OPA3: variants seen among roughly 807,000 people sequenced by gnomAD.
The protein encoded by OPA3 is optic atrophy 3 protein.
Under a neutral mutation model 4.0 loss-of-function variants are expected in OPA3, and 6 were observed. The observed-to-expected ratio is 1.51, with a 90% confidence interval of 0.83 to 2.99. The LOEUF is 2.99. Ranked by LOEUF, OPA3 falls within the 30% of genes most tolerant of loss-of-function variation. The pLI is 0.00. For missense variants in OPA3, 235 were observed against 256.2 expected (o/e 0.92, Z 0.56); for synonymous variants, 105 against 117.1 (o/e 0.90, Z 0.67).
chr19:45,577,363 G>A (rs918414438), intron 1 of OPA3, among the ~76,000 whole-genome samples: 8 of 152,206 alleles, frequency 5.3e-5, no homozygotes, highest in African/African-American at 1.7e-4. Flanking sequence ...AGAAAGCAGG[G>A]CCGCCAGTGC....
intron 1 of OPA3, among the ~76,000 whole-genome samples, chr19:45,560,038 T>C (rs1371063054): frequency 1.3e-5 from 2 of 152,152 alleles, no homozygotes; most frequent in Admixed American, 6.5e-5. Context: ...GCTCAGTTTG[T>C]AAATGTTAAC....
chr19:45,579,142 T>C (rs558060147), intron 1 of OPA3, among the ~76,000 whole-genome samples: 2 of 152,294 alleles, frequency 1.3e-5, no homozygotes, highest in South Asian at 4.1e-4. Context: ...TATCTAGGCT[T>C]ATAGCCTTCC....
At chr19:45,536,211 C>T (rs1223778847) in intron 1 of OPA3, among the ~76,000 whole-genome samples, 1 of 131,896 alleles carries the variant, frequency 7.6e-6, no homozygotes, top group African/African-American at 2.9e-5. Flanking sequence ...CTGGATGACA[C>T]AGCAAGACTC....
downstream of OPA3, among the ~76,000 whole-genome samples, chr19:45,543,822 A>G (rs895965267): frequency 6.6e-6 from 1 of 152,118 alleles, no homozygotes; most frequent in African/African-American, 2.4e-5. Flanking sequence ...CATTACACAT[A>G]TGGGGTCTCT....
At chr19:45,573,688 T>G (rs1969722652) in intron 1 of OPA3, among the ~76,000 whole-genome samples, 1 of 151,944 alleles carries the variant, frequency 6.6e-6, no homozygotes, top group Non-Finnish European at 1.5e-5. Flanking sequence ...CAGTAAACAG[T>G]AAACACTGTT....
Position 45,550,679 on chromosome 19 carries a change from C to A in OPA3, c.*2835G>T. On this transcript the variant is annotated 3_prime_UTR_variant, in exon 2 of 2. Transcript: ENST00000263275. ...ATAGGGTGACTCTTGGGCCTCTCCC[C>A]ATCAGAACCCTCCCAGTTTCCCTCC... The A allele has an allele frequency of 1.0e-6, 1 of 985,956 alleles. No homozygotes were observed. 61.1% of individuals were successfully genotyped at this position (985,956 alleles called of 1,614,324 possible).
At chr19:45,556,174 C>T (rs1418763217) in intron 1 of OPA3, among the ~76,000 whole-genome samples, 1 of 152,032 alleles carries the variant, frequency 6.6e-6, no homozygotes, top group African/African-American at 2.4e-5. Context: ...GACAGGATCT[C>T]GTTCTGTTGC....
intron 1 of OPA3, among the ~76,000 whole-genome samples, chr19:45,567,548 G>C (rs117748447): frequency 0.012 from 1,812 of 152,138 alleles, 22 homozygotes; most frequent in Middle Eastern, 0.027. Context: ...CCTTTCTAGA[G>C]TAATGACGAT....
downstream of OPA3, among the ~76,000 whole-genome samples, chr19:45,545,324 T>C (rs1969237073): frequency 6.7e-6 from 1 of 149,536 alleles, no homozygotes; most frequent in Non-Finnish European, 1.5e-5. Flanking sequence ...AGCCCAGGAG[T>C]TCCTGACCAG....
In OPA3 at chr19:45,549,316, G is replaced by A; in HGVS notation, c.*4198C>T. 3.0e-6 allele frequency: 3 copies of A among 985,278 alleles called. No individual in the cohort carries two copies. The South Asian group carries it at 1.4e-4, about 46-fold the overall frequency. 61.0% of individuals were successfully genotyped at this position (985,278 alleles called of 1,614,324 possible). The stretch of plus-strand genomic sequence containing the variant: ...CACTCTGGCCACCCCTGACGCCGCA[G>A]TGGGGGAAGTAGATGGCCCTGCTGC... On this transcript the variant is annotated 3_prime_UTR_variant, in exon 2 of 2. Coordinates refer to ENST00000263275, the MANE Select transcript of OPA3 (RefSeq NM_025136.4).
intron 1 of OPA3, among the ~76,000 whole-genome samples, chr19:45,569,992 T>G (rs553779903): frequency 6.6e-6 from 1 of 152,304 alleles, no homozygotes; most frequent in South Asian, 2.1e-4. Context: ...TAATTACAGA[T>G]GAGCACAAAC....
intron 1 of OPA3, among the ~76,000 whole-genome samples, chr19:45,570,985 G>GGC (rs200831975): frequency 0.012 from 1,615 of 134,632 alleles, 177 homozygotes; most frequent in Non-Finnish European, 0.02. Flanking sequence ...ATTTGGGGGG[G>GGC]GGGGGCATGA....
At chr19:45,538,042 A>C (rs550126109) in intron 1 of OPA3, among the ~76,000 whole-genome samples, 1 of 131,666 alleles carries the variant, frequency 7.6e-6, no homozygotes, top group Admixed American at 8.1e-5. Context: ...TGCAGGTTGC[A>C]GTGAGCTGAG....
chr19:45,563,602 C>T (rs1206545219), intron 1 of OPA3, among the ~76,000 whole-genome samples: 1 of 152,118 alleles, frequency 6.6e-6, no homozygotes, highest in African/African-American at 2.4e-5. Flanking sequence ...GTCACCCAGA[C>T]TGAAGTACAG....
chr19:45,565,647 G>A lies in OPA3; in HGVS notation c.143-11736C>T, dbSNP rs191124147. ...TAACTTTTGTATTTAGTCTAATTAC[G>A]GCTAATTTTTGTAATTCTAGTAGAG... On this transcript the variant is annotated intron_variant, in intron 1 of 1. Transcript: ENST00000263275. 4.3e-3 allele frequency among the ~76,000 whole-genome samples: 648 copies of A among 152,072 alleles called. 3 individuals carry two copies. The highest frequency in any genetic ancestry group is 0.015 in the African/African-American group (630 of 41,490).
At chr19:45,576,978 C>T (rs534959120) in intron 1 of OPA3, among the ~76,000 whole-genome samples, 11 of 152,302 alleles carry the variant, frequency 7.2e-5, no homozygotes, top group Admixed American at 7.2e-4. Context: ...AGGACCAGTG[C>T]GCGCCAAAGG....
chr19:45,545,114 G>A (rs1338369361), downstream of OPA3, among the ~76,000 whole-genome samples: 2 of 134,676 alleles, frequency 1.5e-5, no homozygotes, highest in African/African-American at 5.5e-5. Flanking sequence ...GTAGGGAGCC[G>A]AAATGGCGCC....
Position 45,550,163 on chromosome 19 carries a change from A to G in OPA3, c.*3351T>C. ...CGGAGCTAGACTGTCTCCGAAAGAA[A>G]AGAAAAGAAAAAAGAAGAGAAAAGA... On this transcript the variant is annotated 3_prime_UTR_variant, in exon 2 of 2. Coordinates refer to ENST00000263275, the MANE Select transcript of OPA3 (RefSeq NM_025136.4). 1 of 975,110 alleles carries G rather than the reference A, an allele frequency of 1.0e-6. No individual in the cohort carries two copies. The highest frequency in any genetic ancestry group is 1.2e-6 in the Non-Finnish European group (1 of 820,554). 60.4% of individuals were successfully genotyped at this position (975,110 alleles called of 1,614,324 possible).
At chr19:45,564,371 G>T (rs1969551854) in intron 1 of OPA3, among the ~76,000 whole-genome samples, 1 of 152,130 alleles carries the variant, frequency 6.6e-6, no homozygotes, top group South Asian at 2.1e-4. Flanking sequence ...TGGAGACTAG[G>T]ACCACACATG....
Sources: allele counts gnomAD v4.1 joint callset (sites outside exome capture counted in the v4.1 genomes callset), GRCh38; gene constraint gnomAD v4.1.1; transcripts MANE v1.5; gene names NCBI Gene and HGNC (gene_info 2026-07-23, HGNC 2026-07-21).